ANKDD1A: variants seen among roughly 807,000 people sequenced by gnomAD.
ANKDD1A encodes ankyrin repeat and death domain-containing protein 1A.
ANKDD1A carries 59 observed loss-of-function variants against 63.5 expected under a neutral mutation model. The observed-to-expected ratio is 0.93, with a 90% CI of 0.75 to 1.15. ANKDD1A has a LOEUF of 1.15. Ranked by LOEUF, ANKDD1A falls within the 50% of genes most tolerant of loss-of-function variation. The pLI is 0.00. For missense variants in ANKDD1A, 632 were observed against 656.4 expected (o/e 0.96, Z 0.41); for synonymous variants, 266 against 263.9 (o/e 1.01, Z -0.08).
In ANKDD1A at chr15:64,952,727, TCTCCTTCTTC is replaced by T. The variant is rs1323139404; in HGVS notation, c.1483+2765_1483+2774del. 7.4e-4 allele frequency among the ~76,000 whole-genome samples: 105 copies of T among 142,218 alleles called. 2 individuals carry two copies. The highest frequency in any genetic ancestry group is 5.4e-4 in the Non-Finnish European group (35 of 65,216). The allele number at this position is 142,218 out of a possible 152,430, so 93.3% of individuals were successfully genotyped here. A position where few individuals can be genotyped will look rare whatever the true frequency, so the allele number is the denominator to read the frequency against. ...GTTCTTCTCCTTTCTTCTTTCTTCTTCTCCTTCTTCCTCCTTCTTTCCTCTTCTCCTCCTC... is the reference window on the plus strand; with the variant it reads ...GTTCTTCTCCTTTCTTCTTTCTTCTTCTCCTTCTTTCCTCTTCTCCTCCTC... On this transcript the variant is annotated intron_variant, in intron 14 of 14. Transcript: ENST00000319580.
chr15:64,930,810 T>C lies in ANKDD1A; in HGVS notation c.571-12T>C, dbSNP rs777705116. 2 of 1,604,338 alleles carry C rather than the reference T, an allele frequency of 1.2e-6. No individual in the cohort carries two copies. The highest frequency in any genetic ancestry group is 1.3e-5 in the African/African-American group (1 of 74,862). ...TGGTCTGCTGGCCTCTCAGGAGCCC[T>C]TTTTCCTGCAGGAGGGGAACACTGC... On this transcript the variant is annotated splice_polypyrimidine_tract_variant and intron_variant, in intron 6 of 14. Coordinates refer to ENST00000319580, the MANE Select transcript of ANKDD1A (RefSeq NM_182703.6).
chr15:64,914,911 G>A (rs1380155874), intron 1 of ANKDD1A, among the ~76,000 whole-genome samples: 1 of 152,216 alleles, frequency 6.6e-6, no homozygotes. Context: ...AAGGTGCAGC[G>A]ATGGGGGTGA....
chr15:64,916,017 G>C, intron 2 of ANKDD1A, 117 bp downstream of exon 2: 1 of 993,420 alleles, frequency 1.0e-6, no homozygotes. Context: ...TGTAAACTTG[G>C]AGGGAGGCTC....
chr15:64,943,559 G>A lies in ANKDD1A; in HGVS notation c.1042G>A (p.Val348Ile). Residue 348 changes from valine to isoleucine, a missense_variant, in exon 11 of 15, where the codon GTT (valine) becomes ATT (isoleucine). Val to Ile is a conservative substitution (Grantham distance 29, BLOSUM62 3). Transcript: ENST00000319580. ...DIADMLLIAG[V>I]DLNLRDKQGK... ...AGCAGATATGCTCCTCATTGCTGGG[G>A]TTGACTTAAACCTGAGAGATAAGGT... 6.2e-7 allele frequency: 1 copy of A among 1,614,170 alleles called. No individual in the cohort carries two copies. The highest frequency in any genetic ancestry group is 8.5e-7 in the Non-Finnish European group (1 of 1,180,028).
At chr15:64,921,218 A>T (rs2177242) in intron 3 of ANKDD1A, among the ~76,000 whole-genome samples, 18,319 of 152,186 alleles carry the variant, frequency 0.12, 2,774 homozygotes, top group African/African-American at 0.36. Context: ...CAAGTGATTC[A>T]CATCTCAGAG....
chr15:64,926,875 C>T, intron 5 of ANKDD1A, 26 bp from the exon 6 acceptor site: 1 of 1,613,032 alleles, frequency 6.2e-7, no homozygotes, highest in Non-Finnish European at 8.5e-7. Flanking sequence ...GTGAGGAAGG[C>T]TCACACCGCT....
intron 14 of ANKDD1A, chr15:64,951,196 T>C: frequency 9.6e-7 from 1 of 1,045,822 alleles, no homozygotes; most frequent in African/African-American, 1.7e-5. Context: ...ATCTTTTTCA[T>C]GAGGATGGGT....
At chr15:64,931,803 C>G (rs2085093844) in intron 8 of ANKDD1A, 2 of 604,072 alleles carry the variant, frequency 3.3e-6, no homozygotes, top group Non-Finnish European at 5.9e-6. Flanking sequence ...AGTGCAGTGA[C>G]ATTTACTTTT....
chr15:64,949,376 G>A (rs1041707125), intron 13 of ANKDD1A, among the ~76,000 whole-genome samples: 9 of 152,196 alleles, frequency 5.9e-5, no homozygotes, highest in African/African-American at 1.9e-4. Context: ...AGAACCACTG[G>A]TGCAGGGGAA....
At chr15:64,943,794 A>C in intron 11 of ANKDD1A, 2 of 574,222 alleles carry the variant, frequency 3.5e-6, no homozygotes, top group Non-Finnish European at 6.2e-6. Flanking sequence ...GCCTTGGCCC[A>C]CCCCCCTCTG....
In ANKDD1A at chr15:64,936,068, C is replaced by T. The variant is rs994404419; in HGVS notation, c.867+1834C>T. 1.4e-4 allele frequency among the ~76,000 whole-genome samples: 21 copies of T among 152,010 alleles called. 1 individual carries two copies. The highest frequency in any genetic ancestry group is 5.1e-4 in the African/African-American group (21 of 41,370). ...CCTATAAGTACTATTATTATTATTC[C>T]CATTACATAAACAGGGAAACATCTA... On this transcript the variant is annotated intron_variant, in intron 9 of 14. Coordinates refer to ENST00000319580, the MANE Select transcript of ANKDD1A (RefSeq NM_182703.6).
chr15:64,931,303 G>A (rs2085088763), intron 7 of ANKDD1A, among the ~76,000 whole-genome samples, 184 bp from the exon 8 acceptor site: 1 of 152,140 alleles, frequency 6.6e-6, no homozygotes, highest in African/African-American at 2.4e-5. Flanking sequence ...CATAAAGTGA[G>A]GACTTCAGGG....
At chr15:64,929,652 C>T (rs1277990887) in intron 6 of ANKDD1A, among the ~76,000 whole-genome samples, 3 of 152,208 alleles carry the variant, frequency 2.0e-5, no homozygotes, top group Non-Finnish European at 2.9e-5. Flanking sequence ...GTCCCAGGGA[C>T]ACATGTCAAG....
chr15:64,955,827 G>T (rs991186223), intron 14 of ANKDD1A, among the ~76,000 whole-genome samples: 6 of 152,170 alleles, frequency 3.9e-5, no homozygotes, highest in Non-Finnish European at 5.9e-5. Flanking sequence ...ATTTGGCATT[G>T]TCTGTCCACA....
chr15:64,951,693 C>CTTTTCTTT lies in ANKDD1A; in HGVS notation c.1483+1723_1483+1724insTTCTTTTT, dbSNP rs2085282938. Among the ~76,000 whole-genome samples the CTTTTCTTT allele has an allele frequency of 2.4e-3, 17 of 7,176 alleles. No homozygotes were observed. The Non-Finnish European group carries it at 0.057, about 24-fold the overall frequency. 4.7% of individuals were successfully genotyped at this position (7,176 alleles called of 152,430 possible). Reference sequence around the variant, plus strand: ...CTTTCTTTCCTTCTTTCTTCTTCCTCTTCTTCTTCCTTATTTTCTTTTTCT... The same window carrying CTTTTCTTT: ...CTTTCTTTCCTTCTTTCTTCTTCCTCTTTTCTTTTTCTTCTTCCTTATTTTCTTTTTCT... On this transcript the variant is annotated intron_variant, in intron 14 of 14. Transcript: ENST00000319580.
rs765982673 is a variant in ANKDD1A at position 64,926,936 on chromosome 15, C to A, written c.507C>A (p.His169Gln). Residue 169 changes from histidine (H) to glutamine (Q), a missense_variant, in exon 6 of 15, where the codon CAC becomes CAA. His to Gln is a conservative substitution (Grantham distance 24, BLOSUM62 0). Transcript: ENST00000319580. ...GRTAFHRAAEHGQLDALDFLV... is the reference protein window; with the variant it reads ...GRTAFHRAAEQGQLDALDFLV... The stretch of plus-strand genomic sequence containing the variant: ...CGGCGTTTCACAGGGCAGCTGAGCA[C>A]GGGCAGCTGGATGCTCTGGACTTCC... 3.1e-6 allele frequency: 5 copies of A among 1,614,068 alleles called. No individual in the cohort carries two copies. Among genetic ancestry groups the A allele is most frequent in the Middle Eastern group, 1.6e-4 (1 of 6,084 alleles).
chr15:64,935,329 G>A (rs7171408), intron 9 of ANKDD1A, among the ~76,000 whole-genome samples: 46,036 of 151,474 alleles, frequency 0.3, 8,091 homozygotes, highest in East Asian at 0.69. Flanking sequence ...CTAGGAGTTC[G>A]AGACCAGCCT....
At chr15:64,935,150 C>T (rs1478272104) in intron 9 of ANKDD1A, among the ~76,000 whole-genome samples, 1 of 150,806 alleles carries the variant, frequency 6.6e-6, no homozygotes, top group Middle Eastern at 3.2e-3. Flanking sequence ...ACTGCTTGAG[C>T]CCAGGAAGTT....
At position 64,950,743 on chromosome 15, in the gene ANKDD1A, C is replaced by G. The variant is rs911312217; in HGVS notation, c.1483+771C>G. On this transcript the variant is annotated intron_variant, in intron 14 of 14. Coordinates refer to ENST00000319580, the MANE Select transcript of ANKDD1A (RefSeq NM_182703.6). ...AAGAAAGGACCGCCCCCCCCCCCCC[C>G]CCCCCCCATAGCTGCTATAGGCAAG... The G allele has an allele frequency of 1.0e-4, 94 of 911,396 alleles. 4 individuals are homozygous for G. The East Asian group carries it at 1.1e-3, about 11-fold the overall frequency. The allele number at this position is 911,396 out of a possible 1,614,324, so 56.5% of individuals were successfully genotyped here.
Sources: allele counts gnomAD v4.1 joint callset (sites outside exome capture counted in the v4.1 genomes callset), GRCh38; gene constraint gnomAD v4.1.1; transcripts MANE v1.5; gene names NCBI Gene and HGNC (gene_info 2026-07-23, HGNC 2026-07-21).